The following EZH1 variants were observed in gnomAD, a reference collection of about 807,000 sequenced individuals.
The protein encoded by EZH1 is histone-lysine N-methyltransferase EZH1.
In EZH1, 33 loss-of-function variants were observed where a neutral mutation model predicts 100.5. The ratio of observed to expected loss-of-function variants is 0.33; its 90% confidence interval spans 0.25 to 0.44. The LOEUF is 0.44. Among genes scored for constraint, EZH1 ranks in the 20% least tolerant of loss-of-function variants. The pLI, the probability that EZH1 is intolerant of heterozygous loss-of-function variation, is 1.00. For missense variants in EZH1, 475 were observed against 928.4 expected (o/e 0.51, Z 6.35); for synonymous variants, 272 against 313.8 (o/e 0.87, Z 1.41).
chr17:42,726,347 A>G (rs940990045), intron 4 of EZH1, among the ~76,000 whole-genome samples: 3 of 149,006 alleles, frequency 2.0e-5, no homozygotes, highest in Admixed American at 6.7e-5. Flanking sequence ...TTATAGGCAT[A>G]CACTACCATG....
intron 1 of EZH1, among the ~76,000 whole-genome samples, chr17:42,742,053 T>C (rs1313118750): frequency 6.6e-6 from 1 of 152,100 alleles, no homozygotes; most frequent in Non-Finnish European, 1.5e-5. Flanking sequence ...CCCGACCACA[T>C]TTTTCTTAAC....
intron 1 of EZH1, among the ~76,000 whole-genome samples, chr17:42,739,557 G>A (rs948403225): frequency 4.0e-5 from 6 of 151,854 alleles, no homozygotes; most frequent in Admixed American, 2.6e-4. Flanking sequence ...CAGAAACCCC[G>A]TCTCTACTAA....
chr17:42,736,563 A>G (rs971856267), intron 1 of EZH1, among the ~76,000 whole-genome samples: 1 of 152,172 alleles, frequency 6.6e-6, no homozygotes, highest in Non-Finnish European at 1.5e-5. Context: ...GGTTGAGTGC[A>G]GTGGCTCACG....
intron 1 of EZH1, among the ~76,000 whole-genome samples, chr17:42,733,534 G>C (rs1054119456): frequency 6.7e-6 from 1 of 149,818 alleles, no homozygotes; most frequent in Non-Finnish European, 1.5e-5. Context: ...TCAGCTACTC[G>C]GGAGGCTGAG....
At position 42,709,829 on chromosome 17, in the gene EZH1, T is replaced by G; in HGVS notation, c.1493+17A>C. ...AGCCTGGCTGTAAAACAAAACACTT[T>G]GTCCAACCCTTCTTGCCTGTGCTTT... On this transcript the variant is annotated intron_variant, in intron 13 of 20. Transcript: ENST00000428826. The G allele has an allele frequency of 6.2e-7, 1 of 1,613,130 alleles. No individual in the cohort carries two copies. Among genetic ancestry groups the G allele is most frequent in the Non-Finnish European group, 8.5e-7 (1 of 1,179,136 alleles).
Position 42,702,725 on chromosome 17 carries a change from G to C in EZH1, c.2184-133C>G, listed in dbSNP as rs1182983665. The C allele has an allele frequency of 1.1e-5, 14 of 1,256,228 alleles. No homozygotes were observed. The East Asian group carries it at 3.3e-4, about 29-fold the overall frequency. The allele number at this position is 1,256,228 out of a possible 1,614,324, so 77.8% of individuals were successfully genotyped here. ...TACAATGGTCCCACTTCTGAGGCAAGGCACCAGATATCAGAACAAGGGACA... is the reference window on the plus strand; with the variant it reads ...TACAATGGTCCCACTTCTGAGGCAACGCACCAGATATCAGAACAAGGGACA... On this transcript the variant is annotated intron_variant, in intron 20 of 20. Coordinates refer to ENST00000428826, the MANE Select transcript of EZH1 (RefSeq NM_001991.5).
At chr17:42,717,171 G>A (rs1444518889) in intron 10 of EZH1, among the ~76,000 whole-genome samples, 2 of 152,140 alleles carry the variant, frequency 1.3e-5, no homozygotes, top group Admixed American at 1.3e-4. Context: ...GACAAGGTAT[G>A]TTAAGGGTCT....
chr17:42,712,243 T>G lies in EZH1; in HGVS notation c.1401+46A>C, dbSNP rs766462542. 10 of 1,583,924 alleles carry G rather than the reference T, an allele frequency of 6.3e-6. No individual in the cohort carries two copies. In the South Asian group the frequency reaches 1.1e-4, roughly 18 times the overall value. On this transcript the variant is annotated intron_variant, in intron 12 of 20. Coordinates refer to ENST00000428826, the MANE Select transcript of EZH1 (RefSeq NM_001991.5). ...GATGGCAAAGGGCTGGACAGAGCAA[T>G]GCGTGAAAGGAGGGGCCCATTTGTT...
At chr17:42,722,683 G>T in intron 6 of EZH1, 112 bp downstream of exon 6, 2 of 972,978 alleles carry the variant, frequency 2.1e-6, no homozygotes, top group African/African-American at 1.7e-5. Flanking sequence ...GAAATATTCT[G>T]CAGTGTGTAC....
chr17:42,724,256 A>G (rs770815968), intron 5 of EZH1, 49 bp downstream of exon 5: 1 of 1,605,764 alleles, frequency 6.2e-7, no homozygotes, highest in South Asian at 1.1e-5. Context: ...ATATCAACAT[A>G]ACACAATCAT....
At chr17:42,717,221 T>C (rs1195522621) in intron 10 of EZH1, among the ~76,000 whole-genome samples, 1 of 152,144 alleles carries the variant, frequency 6.6e-6, no homozygotes, top group Non-Finnish European at 1.5e-5. Context: ...CAATACACAT[T>C]AGGAAAAAAT....
At chr17:42,727,216 A>G (rs1364379175) in intron 4 of EZH1, among the ~76,000 whole-genome samples, 1 of 152,148 alleles carries the variant, frequency 6.6e-6, no homozygotes, top group Non-Finnish European at 1.5e-5. Context: ...AAATAGCTGT[A>G]TCTATTAACC....
intron 10 of EZH1, among the ~76,000 whole-genome samples, chr17:42,714,057 T>G (rs551458454): frequency 6.6e-6 from 1 of 152,004 alleles, no homozygotes; most frequent in South Asian, 2.1e-4. Context: ...CTGTACAATC[T>G]TACTACTTAA....
intron 1 of EZH1, among the ~76,000 whole-genome samples, chr17:42,739,040 G>C (rs940671125): frequency 6.6e-6 from 1 of 152,164 alleles, no homozygotes; most frequent in African/African-American, 2.4e-5. Context: ...ACAGGCGTGA[G>C]CTACCACGCC....
intron 12 of EZH1, among the ~76,000 whole-genome samples, chr17:42,711,389 C>T (rs1404286348): frequency 6.6e-6 from 1 of 152,190 alleles, no homozygotes; most frequent in East Asian, 1.9e-4. Context: ...AGAAGAATCA[C>T]TTGAACCTGG....
rs2053350840 is a variant in EZH1 at position 42,706,236 on chromosome 17, G to A, written c.1661-51C>T. ...TAGAAGGGAAATAAGCTAATACTGG[G>A]GCTTGTGGTTGACTCAAGGGACAGC... On this transcript the variant is annotated intron_variant, in intron 15 of 20. Coordinates refer to ENST00000428826, the MANE Select transcript of EZH1 (RefSeq NM_001991.5). The surrounding 1 kb of genome is among the most constrained non-coding windows in gnomAD (Gnocchi z 4.4). 6.7e-7 allele frequency: 1 copy of A among 1,494,490 alleles called. No homozygotes were observed. Among genetic ancestry groups the A allele is most frequent in the African/African-American group, 1.4e-5 (1 of 72,020 alleles). 92.6% of individuals were successfully genotyped at this position (1,494,490 alleles called of 1,614,324 possible).
intron 3 of EZH1, among the ~76,000 whole-genome samples, chr17:42,728,397 A>G (rs1044377069): frequency 6.8e-6 from 1 of 146,350 alleles, no homozygotes; most frequent in Non-Finnish European, 1.5e-5. Context: ...TACAGGTGTG[A>G]GCCACCGCAC....
intron 16 of EZH1, 190 bp downstream of exon 16, chr17:42,705,817 C>A (rs1304072653): frequency 3.4e-6 from 2 of 581,898 alleles, no homozygotes; most frequent in Admixed American, 7.6e-5. Flanking sequence ...CACACCTGGC[C>A]AGGAACCATT....
rs111262504 is a variant in EZH1 at position 42,728,333 on chromosome 17, C to T, written c.117+492G>A. Among the ~76,000 whole-genome samples, 1,291 of 144,240 alleles carry T rather than the reference C, an allele frequency of 9.0e-3. 27 individuals are homozygous for T. The highest frequency in any genetic ancestry group is 0.031 in the African/African-American group (1,221 of 38,896). 94.6% of individuals were successfully genotyped at this position (144,240 alleles called of 152,430 possible). On this transcript the variant is annotated intron_variant, in intron 3 of 20. Coordinates refer to ENST00000428826, the MANE Select transcript of EZH1 (RefSeq NM_001991.5). The stretch of plus-strand genomic sequence containing the variant: ...TTCACCAGGTAGGACAGGCTGGTCT[C>T]GAACTCCTGACCTCAGGTGATCCAC...
Sources: allele counts gnomAD v4.1 joint callset (sites outside exome capture counted in the v4.1 genomes callset), GRCh38; gene constraint gnomAD v4.1.1; non-coding constraint Gnocchi (gnomAD v3.1); transcripts MANE v1.5; gene names NCBI Gene and HGNC (gene_info 2026-07-23, HGNC 2026-07-21).